TTN: variants seen among roughly 807,000 people sequenced by gnomAD.
The protein encoded by TTN is titin, also known as connectin.
TTN carries 1,525 observed loss-of-function variants against 3,223.0 expected under a neutral mutation model. That is an observed-to-expected ratio of 0.47 (90% CI 0.45 to 0.49). TTN has a LOEUF of 0.49. TTN is among the 20% of genes least tolerant of loss of function. The pLI, the probability that TTN is intolerant of heterozygous loss-of-function variation, is 0.00. For missense variants in TTN, 40,786 were observed against 43,424.0 expected (o/e 0.94, Z 5.40); for synonymous variants, 14,094 against 15,161.0 (o/e 0.93, Z 5.17).
chr2:178,567,897 T>G lies in TTN; in HGVS notation c.78235A>C (p.Asn26079His), dbSNP rs1331149411. The change falls in exon 326 of 363, where the codon AAT (asparagine) becomes CAT (histidine). Residue 26079 changes from asparagine to histidine, a missense_variant. Transcript: ENST00000589042. ...TCTCTGGCTACATAGCATTCAGAAT[T>G]CTTGCTTGCTTTGCCTACACCAACA... ...NIVGVGKASK[N>H]SECYVARDPC... 2 of 1,613,586 alleles carry G rather than the reference T, an allele frequency of 1.2e-6. No homozygotes were observed. Among genetic ancestry groups the G allele is most frequent in the Admixed American group, 1.7e-5 (1 of 60,002 alleles).
chr2:178,748,936 CT>C (rs2084522558), intron 47 of TTN: 1 of 1,612,366 alleles, frequency 6.2e-7, no homozygotes, highest in Admixed American at 1.7e-5. Context: ...CATCAATCTT[CT>C]TTTGAGGAGG....
In TTN at chr2:178,783,007, A is replaced by G. The variant is rs768416555; in HGVS notation, c.2899T>C (p.Ser967Pro). The G allele has an allele frequency of 6.2e-7, 1 of 1,614,164 alleles. No homozygotes were observed. The highest frequency in any genetic ancestry group is 8.5e-7 in the Non-Finnish European group (1 of 1,180,006). The change falls in exon 18 of 363, where the codon TCT (serine) becomes CCT (proline). Residue 967 changes from serine to proline, a missense_variant. Transcript: ENST00000589042. ...GESVTLECHI[S>P]GYPSPTVTWY... Reference sequence around the variant, plus strand: ...GTCACTGTCGGGGATGGGTATCCAGAGATGTGGCACTCCAAGGTGACAGAT... The same window carrying G: ...GTCACTGTCGGGGATGGGTATCCAGGGATGTGGCACTCCAAGGTGACAGAT...
At position 178,608,897 on chromosome 2, in the gene TTN, G is replaced by A. The variant is rs2055579042; in HGVS notation, c.52114C>T (p.Pro17372Ser). ...CTVSVLDTPG[P>S]PINFVFEDIR... Reference sequence around the variant, plus strand: ...TCTTCAAATACAAAGTTGATTGGTGGTCCCGGTGTATCTAATATTTCAGAA... The same window carrying A: ...TCTTCAAATACAAAGTTGATTGGTGATCCCGGTGTATCTAATATTTCAGAA... The change falls in exon 274 of 363, where the codon CCA becomes TCA. Residue 17372 changes from proline to serine, a missense_variant. Transcript: ENST00000589042. 1 of 1,608,640 alleles carries A rather than the reference G, an allele frequency of 6.2e-7. No individual in the cohort carries two copies. Among genetic ancestry groups the A allele is most frequent in the African/African-American group, 1.3e-5 (1 of 74,668 alleles).
chr2:178,669,971 A>C (rs1408604189), intron 157 of TTN, among the ~76,000 whole-genome samples: 2 of 151,952 alleles, frequency 1.3e-5, no homozygotes, highest in Non-Finnish European at 2.9e-5. Flanking sequence ...ATTATTTTTG[A>C]AAGAGAAGTT....
intron 47 of TTN, chr2:178,745,567 G>A (rs765029404): frequency 1.9e-6 from 3 of 1,611,338 alleles, no homozygotes; most frequent in Non-Finnish European, 2.5e-6. Flanking sequence ...AATTACTGAG[G>A]CACTAAAACA....
chr2:178,543,562 G>C lies in TTN; in HGVS notation c.96411C>G (p.Val32137=), dbSNP rs1329249610. ...EIPTIDGGAP[V]NNYIVEKREA... ...CACGCTTCTCAACGATGTAATTGTT[G>C]ACTGGAGCTCCACCATCAATCGTGG... The change falls in exon 347 of 363, where the codon GTC becomes GTG. Residue 32137 remains valine, a synonymous_variant. Transcript: ENST00000589042. The C allele has an allele frequency of 1.2e-6, 2 of 1,610,904 alleles. No individual in the cohort carries two copies. The highest frequency in any genetic ancestry group is 1.7e-6 in the Non-Finnish European group (2 of 1,179,698).
chr2:178,781,392 A>T (rs938308308), intron 20 of TTN, 129 bp from the exon 21 acceptor site: 29 of 1,031,560 alleles, frequency 2.8e-5, no homozygotes, highest in African/African-American at 4.8e-5. Flanking sequence ...ACTAAGCTCC[A>T]CAATAGATTA....
chr2:178,746,547 G>C lies in TTN; in HGVS notation c.11312-4626C>G, dbSNP rs1449231120. The C allele has an allele frequency of 2.5e-6, 4 of 1,613,176 alleles. No homozygotes were observed. The South Asian group carries it at 4.4e-5, about 18-fold the overall frequency. On this transcript the variant is annotated intron_variant, in intron 47 of 362. Coordinates refer to ENST00000589042, the MANE Select transcript of TTN (RefSeq NM_001267550.2). ...TCCATGACATGCTGATGTGTTACTG[G>C]AGGTGGTAGTGCCACCACTCTTTCT...
intron 282 of TTN, 92 bp from the exon 283 acceptor site, chr2:178,602,682 A>C (rs566535049): frequency 2.2e-6 from 2 of 927,722 alleles, no homozygotes; most frequent in Admixed American, 3.9e-5. Flanking sequence ...TATTATTTTA[A>C]TCTATTAAAA....
In TTN at chr2:178,575,382, T is replaced by C. The variant is rs765545404; in HGVS notation, c.70750A>G (p.Thr23584Ala). The stretch of plus-strand genomic sequence containing the variant: ...ACAACACATTCTAACCCTTTCACGG[T>C]TGTGATGTGGGTCCACTGGTCAGAG... ...KGSDQWTHIT[T>A]VKGLECVVRN... Residue 23584 changes from threonine (T) to alanine (A), a missense_variant, in exon 326 of 363, where the codon ACC (threonine) becomes GCC (alanine). Physicochemically the swap from Thr to Ala is moderately conservative, Grantham distance 58 (BLOSUM62 0). Transcript: ENST00000589042. This position sits in a 1 kb window ranked among gnomAD's most constrained non-coding sequence, Gnocchi z 4.0. 2 of 1,613,636 alleles carry C rather than the reference T, an allele frequency of 1.2e-6. No individual in the cohort carries two copies. The highest frequency in any genetic ancestry group is 2.2e-5 in the South Asian group (2 of 91,078).
Position 178,543,919 on chromosome 2 carries a change from A to T in TTN, c.96225T>A (p.Val32075=), listed in dbSNP as rs752745266. ...ESYSLLIVDK[V]NRYDAGKYTI... ...TGTATTTTCCAGCATCGTACCGATT[A>T]ACTTTGTCCACTATTAGCAATGAGT... Residue 32075 remains valine, a synonymous_variant, in exon 346 of 363, where the codon GTT becomes GTA. Transcript: ENST00000589042. 170 of 1,613,616 alleles carry T rather than the reference A, an allele frequency of 1.1e-4. 1 individual carries two copies. The highest frequency in any genetic ancestry group is 6.6e-4 in the South Asian group (60 of 91,084).
In TTN at chr2:178,578,786, T is replaced by C. The variant is rs753714710; in HGVS notation, c.68224+20A>G. On this transcript the variant is annotated intron_variant, in intron 320 of 362. Transcript: ENST00000589042. The stretch of plus-strand genomic sequence containing the variant: ...CAAAACCGTGTTTTGCTTTACGTCT[T>C]CTGAATTTAAGACACTTACCAAATG... 2.3e-5 allele frequency: 37 copies of C among 1,606,342 alleles called. No individual in the cohort carries two copies. The highest frequency in any genetic ancestry group is 3.1e-5 in the Non-Finnish European group (36 of 1,177,176).
At chr2:178,647,878 G>A (rs971842468) in intron 213 of TTN, among the ~76,000 whole-genome samples, 5 of 151,990 alleles carry the variant, frequency 3.3e-5, no homozygotes, top group Admixed American at 6.6e-5. Flanking sequence ...TTCCTCTAAC[G>A]TTAGTTCAGA....
rs770927852 is a variant in TTN, at chr2:178,764,849, G to C, written c.9704-38C>G. On this transcript the variant is annotated intron_variant, in intron 41 of 362. Coordinates refer to ENST00000589042, the MANE Select transcript of TTN (RefSeq NM_001267550.2). ...GTTGACAAATAGCCCATGAAAAAGTGTAAAAACACAAGAGAGCATGCAAAA... is the reference window on the plus strand; with the variant it reads ...GTTGACAAATAGCCCATGAAAAAGTCTAAAAACACAAGAGAGCATGCAAAA... 2.4e-5 allele frequency: 38 copies of C among 1,610,030 alleles called. No homozygotes were observed. The African/African-American group carries it at 4.7e-4, about 20-fold the overall frequency.
Position 178,590,744 on chromosome 2 carries a change from G to C in TTN, c.60981C>G (p.Asp20327Glu). 6.2e-7 allele frequency: 1 copy of C among 1,611,202 alleles called. No homozygotes were observed. The highest frequency in any genetic ancestry group is 8.5e-7 in the Non-Finnish European group (1 of 1,178,192). ...AGAGTCCAGTCACTCTGAACTTCAG[G>C]TCAGCGATAGGTGTTTTGTTGACCC... is the stretch of plus-strand genomic sequence containing the variant. ...WVRVNKTPIADLKFRVTGLYE... is the reference protein window; with the variant it reads ...WVRVNKTPIAELKFRVTGLYE... The change falls in exon 304 of 363, where the codon GAC (aspartate) becomes GAG (glutamate). Residue 20327 changes from aspartate to glutamate, a missense_variant. By Grantham distance (45) the Asp-to-Glu change is conservative. Coordinates refer to ENST00000589042, the MANE Select transcript of TTN (RefSeq NM_001267550.2).
In TTN at chr2:178,650,250, A is replaced by G. The variant is rs551302379; in HGVS notation, c.39731T>C (p.Ile13244Thr). The G allele has an allele frequency of 2.5e-6, 4 of 1,575,324 alleles. No individual in the cohort carries two copies. Among genetic ancestry groups the G allele is most frequent in the African/African-American group, 2.8e-5 (2 of 71,338 alleles). ...AGGAGCAATTTCCTCTTCAGGAGCA[A>G]TTTCCTCAGGTTCTTCATATACTTT... Reference protein sequence around the residue: ...PPEVYEEPEEIAPEEEIAPEE... With the variant: ...PPEVYEEPEETAPEEEIAPEE... The change falls in exon 210 of 363, where the codon ATT (isoleucine) becomes ACT (threonine). Residue 13244 changes from isoleucine (I) to threonine (T), a missense_variant. Coordinates refer to ENST00000589042, the MANE Select transcript of TTN (RefSeq NM_001267550.2).
Position 178,690,709 on chromosome 2 carries a change from A to G in TTN, c.31763-813T>C, listed in dbSNP as rs1291349134. On this transcript the variant is annotated intron_variant, in intron 121 of 362. Coordinates refer to ENST00000589042, the MANE Select transcript of TTN (RefSeq NM_001267550.2). The stretch of plus-strand genomic sequence containing the variant: ...CTTTTGTGAATCCCTGCACCTCTGC[A>G]CGTGCATTTGTAATATTTTGGTGCA... Among the ~76,000 whole-genome samples, 3 of 152,190 alleles carry G rather than the reference A, an allele frequency of 2.0e-5. No homozygotes were observed. In the East Asian group the frequency reaches 5.8e-4, roughly 29 times the overall value.
intron 45 of TTN, among the ~76,000 whole-genome samples, chr2:178,757,102 C>G (rs1438388251): frequency 1.3e-4 from 1 of 7,522 alleles, no homozygotes; most frequent in Admixed American, 1.7e-3. Flanking sequence ...CTCTCTCCCT[C>G]TAGCTGACTG....
chr2:178,633,886 A>G lies in TTN; in HGVS notation c.42613T>C (p.Leu14205=), dbSNP rs747480084. Residue 14205 remains leucine (L), a synonymous_variant, in exon 231 of 363, where the codon TTG becomes CTG. Coordinates refer to ENST00000589042, the MANE Select transcript of TTN (RefSeq NM_001267550.2). ...THKLEMKEVT[L]DDISQIKAQV... is the part of the protein sequence containing the mutation. ...GCTTTTATCTGAGATATATCATCCA[A>G]TGTCACTTCTTTCATTTCCAATTTG... is the stretch of plus-strand genomic sequence containing the variant. 21 of 1,613,322 alleles carry G rather than the reference A, an allele frequency of 1.3e-5. No homozygotes were observed. Among genetic ancestry groups the G allele is most frequent in the Admixed American group, 6.7e-5 (4 of 59,952 alleles).
Sources: gnomAD v4.1 joint callset for allele counts (sites outside exome capture counted in the v4.1 genomes callset) on GRCh38, gnomAD v4.1.1 for gene constraint, Gnocchi (gnomAD v3.1) non-coding constraint, MANE v1.5 for transcripts, NCBI Gene and HGNC (gene_info 2026-07-23, HGNC 2026-07-21) for gene names.